The following FARS2 variants were observed in gnomAD, a reference collection of about 807,000 sequenced individuals.
FARS2 encodes the protein phenylalanyl-tRNA synthetase 2, mitochondrial.
In FARS2, 40 loss-of-function variants were observed where a neutral mutation model predicts 46.4. The observed-to-expected ratio is 0.86, with a 90% CI of 0.67 to 1.12. The LOEUF is 1.12. Among genes scored for constraint, FARS2 ranks in the 50% most tolerant of loss-of-function variants. The probability of loss-of-function intolerance (pLI) is 0.00; values close to 1 mark genes in which losing one functional copy is unlikely to be tolerated. For missense variants in FARS2, 513 were observed against 567.9 expected, an observed-to-expected ratio of 0.90 and a Z score of 0.98; for synonymous variants, 234 against 214.9, an observed-to-expected ratio of 1.09 and a Z score of -0.78.
In FARS2 at chr6:5,771,354, G is replaced by T. The variant is rs1261268059; in HGVS notation, c.1281G>T (p.Gln427His). 9.9e-6 allele frequency: 16 copies of T among 1,614,206 alleles called. No homozygotes were observed. In the South Asian group the frequency reaches 1.8e-4, roughly 18 times the overall value. The change falls in exon 7 of 7, where the codon CAG (glutamine) becomes CAT (histidine). Residue 427 changes from glutamine (Q) to histidine (H), a missense_variant. Coordinates refer to ENST00000274680, the MANE Select transcript of FARS2 (RefSeq NM_006567.5). ...TYRHMERTLS[Q>H]REVRHIHQAL... ...GCCACATGGAACGGACTCTGTCCCA[G>T]AGAGAGGTCAGGCACATCCACCAGG... is the stretch of plus-strand genomic sequence containing the variant.
chr6:5,390,427 T>C (rs1301998794), intron 2 of FARS2, among the ~76,000 whole-genome samples: 2 of 152,196 alleles, frequency 1.3e-5, no homozygotes, highest in East Asian at 3.8e-4. Context: ...CTTTTATGAG[T>C]CCCCAGGTAA....
chr6:5,731,370 C>T (rs1056433672), intron 6 of FARS2, among the ~76,000 whole-genome samples: 2 of 152,124 alleles, frequency 1.3e-5, no homozygotes, highest in Non-Finnish European at 2.9e-5. Context: ...TCCAGACTCT[C>T]CTCCTCTGTG....
At chr6:5,752,381 C>T (rs968938255) in intron 6 of FARS2, among the ~76,000 whole-genome samples, 2 of 152,148 alleles carry the variant, frequency 1.3e-5, no homozygotes, top group Non-Finnish European at 2.9e-5. Flanking sequence ...AAAATGTTCT[C>T]GGCAGCTGAC....
chr6:5,390,538 C>G (rs945150607), intron 2 of FARS2, among the ~76,000 whole-genome samples: 1 of 152,204 alleles, frequency 6.6e-6, no homozygotes, highest in African/African-American at 2.4e-5. Flanking sequence ...ACAACAGTAT[C>G]ACAAACCAGT....
intron 4 of FARS2, among the ~76,000 whole-genome samples, chr6:5,460,385 C>G (rs1340454183): frequency 1.3e-5 from 2 of 152,114 alleles, no homozygotes; most frequent in Admixed American, 6.5e-5. Flanking sequence ...TTCAGGCGTT[C>G]AGTTGGAGGG....
chr6:5,450,731 G>T lies in FARS2; in HGVS notation c.904+19559G>T, dbSNP rs1317497237. ...TTAGTCCAGGCACAAGGGACAGCCT[G>T]TTCAAAGGTTGAGGCGGGAGAAGCA... On this transcript the variant is annotated intron_variant, in intron 4 of 6. Transcript: ENST00000274680. Among the ~76,000 whole-genome samples, 4 of 152,214 alleles carry T rather than the reference G, an allele frequency of 2.6e-5. No homozygotes were observed. In the East Asian group the frequency reaches 7.7e-4, roughly 29 times the overall value.
intron 6 of FARS2, among the ~76,000 whole-genome samples, chr6:5,641,524 T>G (rs974264198): frequency 1.1e-4 from 16 of 152,164 alleles, no homozygotes; most frequent in African/African-American, 3.9e-4. Flanking sequence ...CTCAAACCCC[T>G]GACCTCAGGG....
intron 1 of FARS2, among the ~76,000 whole-genome samples, chr6:5,281,777 C>T (rs557848262): frequency 2.6e-5 from 4 of 152,328 alleles, no homozygotes; most frequent in South Asian, 4.1e-4. Flanking sequence ...TGTATCCTAA[C>T]TAAATGCATA....
intron 6 of FARS2, among the ~76,000 whole-genome samples, chr6:5,628,775 TC>T (rs1276810015): frequency 6.6e-6 from 1 of 152,192 alleles, no homozygotes; most frequent in Non-Finnish European, 1.5e-5. Flanking sequence ...ATGCTGCCCT[TC>T]CCACAGCCTG....
the FARS2 span, among the ~76,000 whole-genome samples, chr6:5,250,717 G>A: frequency 7.1e-6 from 1 of 140,930 alleles, no homozygotes; most frequent in Non-Finnish European, 1.5e-5. Flanking sequence ...TATAAATTCA[G>A]AACAAACGTA....
At chr6:5,276,121 C>A (rs1202194583) in intron 1 of FARS2, among the ~76,000 whole-genome samples, 1 of 152,132 alleles carries the variant, frequency 6.6e-6, no homozygotes, top group Non-Finnish European at 1.5e-5. Context: ...ATTATTGACA[C>A]AAGTTATTGA....
At chr6:5,669,069 A>C (rs991684229) in intron 6 of FARS2, among the ~76,000 whole-genome samples, 5 of 152,158 alleles carry the variant, frequency 3.3e-5, no homozygotes, top group African/African-American at 4.8e-5. Context: ...AATAGTGCAC[A>C]GTGCTTTCAA....
At chr6:5,453,286 T>C (rs1419382606) in intron 4 of FARS2, among the ~76,000 whole-genome samples, 1 of 152,040 alleles carries the variant, frequency 6.6e-6, no homozygotes, top group Non-Finnish European at 1.5e-5. Flanking sequence ...AAAGCTAGGG[T>C]AAGTTTGCAC....
intron 4 of FARS2, among the ~76,000 whole-genome samples, chr6:5,469,700 A>G (rs1385977364): frequency 3.9e-5 from 6 of 152,236 alleles, no homozygotes; most frequent in African/African-American, 1.4e-4. Flanking sequence ...ATATGCGGTC[A>G]TTGCTTCTAA....
At chr6:5,365,039 A>AG (rs1758559279) in intron 1 of FARS2, among the ~76,000 whole-genome samples, 1 of 151,126 alleles carries the variant, frequency 6.6e-6, no homozygotes, top group African/African-American at 2.4e-5. Context: ...ACAGAGTAAG[A>AG]CCCTGTCTCA....
At chr6:5,496,881 A>C (rs1273372594) in intron 4 of FARS2, among the ~76,000 whole-genome samples, 2 of 152,038 alleles carry the variant, frequency 1.3e-5, no homozygotes, top group Admixed American at 6.6e-5. Flanking sequence ...TAGAGGTCTC[A>C]CTATATTGCC....
intron 6 of FARS2, among the ~76,000 whole-genome samples, chr6:5,646,729 TATA>T (rs1413108220): frequency 6.6e-6 from 1 of 152,242 alleles, no homozygotes; most frequent in African/African-American, 2.4e-5. Context: ...CGGGATTATT[TATA>T]ATACCTAATA....
Position 5,269,255 on chromosome 6 carries a change from G to A in FARS2, c.-22+7595G>A, listed in dbSNP as rs955788256. 2.6e-5 allele frequency among the ~76,000 whole-genome samples: 4 copies of A among 151,548 alleles called. No homozygotes were observed. The East Asian group carries it at 7.8e-4, about 29-fold the overall frequency. On this transcript the variant is annotated intron_variant, in intron 1 of 6. Transcript: ENST00000274680. ...TCGCAAGGACAGAAAACCAAACACC[G>A]CATGTTCTCACTCATAGGTGGGAAT...
chr6:5,605,989 T>A (rs1774812002), intron 5 of FARS2, among the ~76,000 whole-genome samples: 1 of 152,042 alleles, frequency 6.6e-6, no homozygotes, highest in Non-Finnish European at 1.5e-5. Flanking sequence ...TACTGAAGAA[T>A]TCACCCAGAA....
Sources: gnomAD v4.1 joint callset for allele counts (sites outside exome capture counted in the v4.1 genomes callset) on GRCh38, gnomAD v4.1.1 for gene constraint, MANE v1.5 for transcripts, NCBI Gene and HGNC (gene_info 2026-07-23, HGNC 2026-07-21) for gene names.